Variants in KIAA1217 observed in about 807,000 individuals in gnomAD.
The protein encoded by KIAA1217 is KIAA1217.
In KIAA1217, 88 loss-of-function variants were observed where a neutral mutation model predicts 163.9. The ratio of observed to expected loss-of-function variants is 0.54; its 90% confidence interval spans 0.45 to 0.64. The LOEUF is 0.64. Among genes scored for constraint, KIAA1217 ranks in the 30% least tolerant of loss-of-function variants. The pLI is 0.00. For synonymous variants in KIAA1217, 903 were observed against 923.1 expected (o/e 0.98, Z 0.39); for missense variants, 2,372 against 2,475.0 (o/e 0.96, Z 0.88).
rs568372303 is a variant in KIAA1217 at position 24,056,355 on chromosome 10, C to A, written c.-171+48981C>A. ...AAAAACAAACAAAAAGAAACAAAGC[C>A]AGTGTTGACACCATCAGGGATGAAG... is the stretch of plus-strand genomic sequence containing the variant. On this transcript the variant is annotated intron_variant, in intron 2 of 18. Transcript: ENST00000376462. Among the ~76,000 whole-genome samples, 3 of 152,130 alleles carry A rather than the reference C, an allele frequency of 2.0e-5. No homozygotes were observed. In the East Asian group the frequency reaches 5.8e-4, roughly 29 times the overall value.
chr10:23,972,788 T>C (rs1845370645), intron 1 of KIAA1217, among the ~76,000 whole-genome samples: 1 of 151,942 alleles, frequency 6.6e-6, no homozygotes, highest in South Asian at 2.1e-4. Context: ...TGAAAAGGAA[T>C]GAGATCATAT....
At chr10:23,865,672 A>T (rs1047465413) in intron 1 of KIAA1217, among the ~76,000 whole-genome samples, 4 of 152,018 alleles carry the variant, frequency 2.6e-5, no homozygotes, top group Non-Finnish European at 5.9e-5. Context: ...TTAATTTTTA[A>T]CGTTTAAATC....
chr10:24,504,651 T>C (rs989527428), intron 9 of KIAA1217, among the ~76,000 whole-genome samples: 1 of 152,140 alleles, frequency 6.6e-6, no homozygotes, highest in African/African-American at 2.4e-5. Context: ...GAATTAGAAA[T>C]TCAAATATTC....
chr10:24,043,403 T>C (rs550465564), intron 2 of KIAA1217, among the ~76,000 whole-genome samples: 9 of 152,298 alleles, frequency 5.9e-5, no homozygotes, highest in African/African-American at 1.9e-4. Context: ...CATTAAAAAC[T>C]ATGACAAACA....
chr10:24,127,991 A>G (rs937685521), intron 2 of KIAA1217, among the ~76,000 whole-genome samples: 1 of 152,214 alleles, frequency 6.6e-6, no homozygotes, highest in Non-Finnish European at 1.5e-5. Flanking sequence ...TATTCTTCTC[A>G]TACTCAATAC....
chr10:24,323,582 TG>T (rs1269837115), intron 2 of KIAA1217, among the ~76,000 whole-genome samples: 1 of 152,222 alleles, frequency 6.6e-6, no homozygotes, highest in African/African-American at 2.4e-5. Context: ...TCTTTATTTG[TG>T]AAGCGCAGTT....
intron 1 of KIAA1217, among the ~76,000 whole-genome samples, chr10:23,926,222 G>C (rs1843013063): frequency 1.3e-5 from 2 of 152,124 alleles, no homozygotes; most frequent in South Asian, 4.1e-4. Flanking sequence ...GGGTGGAGGG[G>C]GCTGGGAAAA....
intron 1 of KIAA1217, among the ~76,000 whole-genome samples, chr10:23,870,991 A>C (rs191312389): frequency 6.6e-6 from 1 of 151,936 alleles, no homozygotes; most frequent in Admixed American, 6.6e-5. Flanking sequence ...ATTTGAACTT[A>C]GGTTTGTTTT....
intron 14 of KIAA1217, among the ~76,000 whole-genome samples, chr10:24,531,580 G>A (rs1229058622): frequency 1.3e-5 from 2 of 152,128 alleles, no homozygotes; most frequent in African/African-American, 4.8e-5. Context: ...TGACACCCCA[G>A]AGGAAAGTAT....
chr10:24,126,834 A>G (rs2131795803), intron 2 of KIAA1217, among the ~76,000 whole-genome samples: 1 of 152,036 alleles, frequency 6.6e-6, no homozygotes, highest in Middle Eastern at 3.4e-3. Context: ...TGTCCACTAC[A>G]TAAGAATCTA....
rs914081970 is a variant in KIAA1217 at position 24,368,846 on chromosome 10, T to C, written c.355-12023T>C. The C allele has an allele frequency of 2.2e-5, 22 of 984,422 alleles. No homozygotes were observed. The African/African-American group carries it at 3.8e-4, about 17-fold the overall frequency. The allele number at this position is 984,422 out of a possible 1,614,324, so 61.0% of individuals were successfully genotyped here. ...CTGAGAGTAACACCAGCTTACTACC[T>C]AAGGAAAGCTAAATGGTTGGCATCT... On this transcript the variant is annotated intron_variant, in intron 2 of 20. Transcript: ENST00000376454.
At chr10:24,101,620 C>T (rs1251963056) in intron 2 of KIAA1217, among the ~76,000 whole-genome samples, 1 of 152,086 alleles carries the variant, frequency 6.6e-6, no homozygotes, top group Non-Finnish European at 1.5e-5. Flanking sequence ...TCAAGGTATT[C>T]TGAAGAAATT....
At chr10:24,135,488 C>T (rs929690970) in intron 2 of KIAA1217, among the ~76,000 whole-genome samples, 1 of 151,870 alleles carries the variant, frequency 6.6e-6, no homozygotes, top group Non-Finnish European at 1.5e-5. Flanking sequence ...GTCTAAAGTG[C>T]TCAGGGAGGC....
intron 2 of KIAA1217, chr10:24,239,317 C>T: frequency 1.7e-5 from 17 of 985,070 alleles, no homozygotes; most frequent in Non-Finnish European, 1.9e-5. Context: ...TGCCGCCTCA[C>T]CTGTGGAGCT....
chr10:24,248,969 A>G (rs942773158), intron 2 of KIAA1217, among the ~76,000 whole-genome samples: 1 of 152,214 alleles, frequency 6.6e-6, no homozygotes, highest in African/African-American at 2.4e-5. Context: ...ATATTCTCAA[A>G]TCACTGAAGA....
intron 1 of KIAA1217, among the ~76,000 whole-genome samples, chr10:23,824,498 T>A (rs1185470844): frequency 1.3e-5 from 1 of 76,180 alleles, no homozygotes; most frequent in African/African-American, 8.0e-5. Flanking sequence ...CATGGTGACA[T>A]GGGCCTCTAA....
At chr10:24,082,955 G>A (rs1257636330) in intron 2 of KIAA1217, among the ~76,000 whole-genome samples, 2 of 152,126 alleles carry the variant, frequency 1.3e-5, no homozygotes, top group Non-Finnish European at 2.9e-5. Context: ...GTGTGAGATG[G>A]TATCTCATTG....
chr10:24,088,913 A>C (rs1159010442), intron 2 of KIAA1217, among the ~76,000 whole-genome samples: 1 of 124,796 alleles, frequency 8.0e-6, no homozygotes, highest in Admixed American at 7.7e-5. Context: ...TCCCACCAAC[A>C]GTGTAAAAGT....
chr10:24,189,547 A>T (rs2066613580), intron 2 of KIAA1217, among the ~76,000 whole-genome samples: 1 of 152,208 alleles, frequency 6.6e-6, no homozygotes, highest in Non-Finnish European at 1.5e-5. Flanking sequence ...ACCCATCACA[A>T]GGGTCATGGC....
Sources: gnomAD v4.1 joint callset for allele counts (sites outside exome capture counted in the v4.1 genomes callset) on GRCh38, gnomAD v4.1.1 for gene constraint, MANE v1.5 for transcripts, NCBI Gene and HGNC (gene_info 2026-07-23, HGNC 2026-07-21) for gene names.